Variants in AUTS2 observed in about 807,000 individuals in gnomAD.
AUTS2 encodes the protein activator of transcription and developmental regulator AUTS2.
AUTS2 carries 17 observed loss-of-function variants against 112.4 expected under a neutral mutation model. The observed-to-expected ratio is 0.15, with a 90% CI of 0.10 to 0.23. The LOEUF is 0.23. Among genes scored for constraint, AUTS2 ranks in the 10% least tolerant of loss-of-function variants. The probability of loss-of-function intolerance (pLI) is 1.00; values close to 1 mark genes in which losing one functional copy is unlikely to be tolerated. For missense variants in AUTS2, 1,510 were observed against 1,701.6 expected, an observed-to-expected ratio of 0.89 and a Z score of 1.98; for synonymous variants, 751 against 702.7, an observed-to-expected ratio of 1.07 and a Z score of -1.09.
chr7:70,259,931 G>A (rs920930311), intron 4 of AUTS2, among the ~76,000 whole-genome samples: 2 of 151,960 alleles, frequency 1.3e-5, no homozygotes, highest in African/African-American at 4.8e-5. Flanking sequence ...AGAGCATAAT[G>A]AAAACTGTGG....
intron 5 of AUTS2, among the ~76,000 whole-genome samples, chr7:70,646,900 T>A (rs1165367437): frequency 2.0e-5 from 3 of 152,204 alleles, no homozygotes; most frequent in Admixed American, 2.0e-4. Context: ...TCCCTACCTT[T>A]GCCCATTTTG....
intron 1 of AUTS2, among the ~76,000 whole-genome samples, chr7:69,689,640 T>TTTTATTTATTTA (rs56128460): frequency 3.3e-5 from 4 of 119,412 alleles, no homozygotes; most frequent in Admixed American, 8.8e-5. Flanking sequence ...GCACCCGGCC[T>TTTTATTTATTTA]TTTATTTATT....
chr7:70,602,633 T>C (rs1018084047), intron 5 of AUTS2, among the ~76,000 whole-genome samples: 1 of 152,196 alleles, frequency 6.6e-6, no homozygotes, highest in East Asian at 1.9e-4. Context: ...ATTAGGAAAG[T>C]TCTAGAATGT....
rs80256360 is a variant in AUTS2 at position 70,649,500 on chromosome 7, TTTTATTTATTTA to T, written c.691-49037_691-49026del. 2.5e-3 allele frequency among the ~76,000 whole-genome samples: 360 copies of T among 143,868 alleles called. 3 individuals are homozygous for T. The highest frequency in any genetic ancestry group is 0.021 in the South Asian group (95 of 4,462). 94.4% of individuals were successfully genotyped at this position (143,868 alleles called of 152,430 possible). ...CTCAGAGTGTCCCAGTGGTGATTTA[TTTTATTTATTTA>T]TTTATTTATTTATTTATTTATTTAT... On this transcript the variant is annotated intron_variant, in intron 5 of 18. Coordinates refer to ENST00000342771, the MANE Select transcript of AUTS2 (RefSeq NM_015570.4).
chr7:69,950,033 A>T (rs1796963453), intron 2 of AUTS2, among the ~76,000 whole-genome samples: 1 of 152,138 alleles, frequency 6.6e-6, no homozygotes, highest in Admixed American at 6.5e-5. Flanking sequence ...GACTGAGATG[A>T]CTTGCCATTC....
chr7:70,428,738 A>C (rs941271674), intron 4 of AUTS2, among the ~76,000 whole-genome samples: 9 of 152,224 alleles, frequency 5.9e-5, no homozygotes. Flanking sequence ...CATTGAGCAG[A>C]ATAGAGAGCA....
chr7:70,066,540 T>A (rs929302606), intron 2 of AUTS2, among the ~76,000 whole-genome samples: 1 of 73,556 alleles, frequency 1.4e-5, no homozygotes, highest in African/African-American at 4.9e-5. Flanking sequence ...ACCCAGTAAA[T>A]TTTTTTTTTT....
At chr7:69,856,020 C>G (rs930110766) in intron 1 of AUTS2, among the ~76,000 whole-genome samples, 3 of 152,202 alleles carry the variant, frequency 2.0e-5, no homozygotes, top group Admixed American at 6.5e-5. Flanking sequence ...AGTGATTCTT[C>G]TGAGTGGATG....
At chr7:69,781,629 G>A (rs1054821530) in intron 1 of AUTS2, among the ~76,000 whole-genome samples, 1 of 152,234 alleles carries the variant, frequency 6.6e-6, no homozygotes, top group African/African-American at 2.4e-5. Context: ...GAATTGACAG[G>A]CATCTCTATT....
intron 1 of AUTS2, among the ~76,000 whole-genome samples, chr7:69,756,079 C>T (rs888408149): frequency 6.6e-6 from 1 of 152,194 alleles, no homozygotes; most frequent in Non-Finnish European, 1.5e-5. Flanking sequence ...GCATGTGTGA[C>T]AGGTAACTGT....
intron 1 of AUTS2, 78 bp downstream of exon 1, chr7:69,600,040 C>A: frequency 6.9e-7 from 1 of 1,441,354 alleles, no homozygotes; most frequent in Non-Finnish European, 9.6e-7. Flanking sequence ...CTGCCTCCCT[C>A]GCCGCGCTCC....
chr7:70,111,116 T>C (rs1050361590), intron 2 of AUTS2, among the ~76,000 whole-genome samples: 3 of 151,932 alleles, frequency 2.0e-5, no homozygotes, highest in Non-Finnish European at 4.4e-5. Flanking sequence ...CCTGACCTCA[T>C]GATCCGCCCG....
intron 1 of AUTS2, among the ~76,000 whole-genome samples, chr7:69,778,412 C>T (rs62457239): frequency 2.6e-5 from 4 of 151,642 alleles, no homozygotes; most frequent in Non-Finnish European, 4.4e-5. Flanking sequence ...AAAAAAAACC[C>T]ATGCCAAGAC....
At position 70,442,915 on chromosome 7, in the gene AUTS2, A is replaced by G. The variant is rs144227220; in HGVS notation, c.690+7134A>G. 3.9e-3 allele frequency among the ~76,000 whole-genome samples: 595 copies of G among 152,312 alleles called. 6 individuals carry two copies. The highest frequency in any genetic ancestry group is 0.013 in the African/African-American group (537 of 41,562). On this transcript the variant is annotated intron_variant, in intron 5 of 18. Transcript: ENST00000342771. ...TTCTTCCAAAATCATCATATTTCCA[A>G]TTGGCTTAATTACATTGCATACATC...
intron 4 of AUTS2, among the ~76,000 whole-genome samples, chr7:70,284,293 G>A (rs1788359037): frequency 6.6e-6 from 1 of 152,100 alleles, no homozygotes; most frequent in African/African-American, 2.4e-5. Flanking sequence ...TGGACATTTA[G>A]ATTGGTTGCA....
intron 4 of AUTS2, among the ~76,000 whole-genome samples, chr7:70,350,471 G>C (rs1791696646): frequency 6.6e-6 from 1 of 152,240 alleles, no homozygotes; most frequent in Non-Finnish European, 1.5e-5. Flanking sequence ...GTGCGAAGGA[G>C]GTGCAAAAGT....
chr7:70,457,112 G>A (rs150559469), intron 5 of AUTS2, among the ~76,000 whole-genome samples: 2 of 152,356 alleles, frequency 1.3e-5, no homozygotes, highest in African/African-American at 2.4e-5. Context: ...CAGTGTGACA[G>A]TGAACAGTGC....
chr7:70,728,533 A>T (rs188994221), intron 6 of AUTS2, among the ~76,000 whole-genome samples: 29 of 151,694 alleles, frequency 1.9e-4, no homozygotes, highest in African/African-American at 7.0e-4. Context: ...ACATGACGAA[A>T]CCCTGTCTCT....
At chr7:70,564,047 A>G (rs762097874) in intron 5 of AUTS2, among the ~76,000 whole-genome samples, 2 of 152,214 alleles carry the variant, frequency 1.3e-5, no homozygotes, top group African/African-American at 2.4e-5. Flanking sequence ...ATATATAATA[A>G]AAAAGTAAAA....
Sources: gnomAD v4.1 joint callset for allele counts (sites outside exome capture counted in the v4.1 genomes callset) on GRCh38, gnomAD v4.1.1 for gene constraint, MANE v1.5 for transcripts, NCBI Gene and HGNC (gene_info 2026-07-23, HGNC 2026-07-21) for gene names.